Variants in KLHL1 observed in about 807,000 individuals in gnomAD.
KLHL1 encodes the protein kelch like family member 1.
Under a neutral mutation model 77.7 loss-of-function variants are expected in KLHL1, and 47 were observed. That is an observed-to-expected ratio of 0.60 (90% CI 0.48 to 0.77). The LOEUF (loss-of-function observed/expected upper bound fraction) is 0.77. KLHL1 is among the 30% of genes least tolerant of loss of function. KLHL1 has a pLI of 0.00. For synonymous variants in KLHL1, 360 were observed against 325.2 expected, an observed-to-expected ratio of 1.11 and a Z score of -1.15; for missense variants, 925 against 910.8, an observed-to-expected ratio of 1.02 and a Z score of -0.20.
Position 70,047,280 on chromosome 13 carries a change from GA to G in KLHL1, c.497+59922del, listed in dbSNP as rs752563925. Among the ~76,000 whole-genome samples the G allele has an allele frequency of 4.9e-3, 665 of 136,424 alleles. 4 individuals are homozygous for G. The highest frequency in any genetic ancestry group is 0.015 in the African/African-American group (546 of 37,224). The allele number at this position is 136,424 out of a possible 152,430, so 89.5% of individuals were successfully genotyped here. ...AAAAATCACAAGCTTTTGGTTAACT[GA>G]AAAAAAAAAAACCCACAAAGACAAA... On this transcript the variant is annotated intron_variant, in intron 1 of 10. Transcript: ENST00000377844.
At chr13:69,862,916 C>G (rs1047280192) in intron 5 of KLHL1, among the ~76,000 whole-genome samples, 1 of 152,034 alleles carries the variant, frequency 6.6e-6, no homozygotes, top group African/African-American at 2.4e-5. Flanking sequence ...TTTAAGCCAC[C>G]CAGTCTATAA....
Position 69,886,424 on chromosome 13 carries a change from G to T in KLHL1, c.1015-3929C>A, listed in dbSNP as rs114649232. Among the ~76,000 whole-genome samples, 942 of 151,600 alleles carry T rather than the reference G, an allele frequency of 6.2e-3. 12 individuals are homozygous for T. Among genetic ancestry groups the T allele is most frequent in the African/African-American group, 0.021 (884 of 41,424 alleles). On this transcript the variant is annotated intron_variant, in intron 4 of 10. Coordinates refer to ENST00000377844, the MANE Select transcript of KLHL1 (RefSeq NM_020866.3). ...TTATTTCCTGGACTTAATGTGAACAGATTTTCTAATATTCATTTCTTCTGT... is the reference window on the plus strand; with the variant it reads ...TTATTTCCTGGACTTAATGTGAACATATTTTCTAATATTCATTTCTTCTGT...
intron 1 of KLHL1, among the ~76,000 whole-genome samples, chr13:69,994,054 G>A (rs879693469): frequency 2.1e-5 from 3 of 145,422 alleles, no homozygotes; most frequent in Non-Finnish European, 3.1e-5. Context: ...ATGTACAAAG[G>A]ACTAATGATA....
chr13:70,076,182 C>T (rs549619542), intron 1 of KLHL1, among the ~76,000 whole-genome samples: 19 of 151,772 alleles, frequency 1.3e-4, no homozygotes, highest in Admixed American at 2.0e-4. Context: ...TTCAATGCAA[C>T]GGTTAAGAAA....
chr13:69,956,149 T>TG (rs1883880225), intron 3 of KLHL1, among the ~76,000 whole-genome samples: 1 of 140,084 alleles, frequency 7.1e-6, no homozygotes, highest in South Asian at 2.2e-4. Flanking sequence ...TATATATATT[T>TG]ATATATATTT....
chr13:69,950,418 T>C (rs776860465), intron 3 of KLHL1, among the ~76,000 whole-genome samples: 1 of 151,648 alleles, frequency 6.6e-6, no homozygotes, highest in Non-Finnish European at 1.5e-5. Context: ...ACTTTAACAA[T>C]AGAGAACATG....
At chr13:70,097,853 G>T (rs1171812879) in intron 1 of KLHL1, among the ~76,000 whole-genome samples, 2 of 148,576 alleles carry the variant, frequency 1.3e-5, no homozygotes, top group African/African-American at 2.5e-5. Flanking sequence ...CAGAGAATTA[G>T]TTTAAAGAGG....
At chr13:69,997,921 G>C (rs1885198550) in intron 1 of KLHL1, among the ~76,000 whole-genome samples, 1 of 151,702 alleles carries the variant, frequency 6.6e-6, no homozygotes, top group African/African-American at 2.4e-5. Context: ...ACATAGGAGT[G>C]CACGTGTCTC....
At chr13:69,706,179 T>C (rs534282611) in intron 10 of KLHL1, among the ~76,000 whole-genome samples, 1 of 151,800 alleles carries the variant, frequency 6.6e-6, no homozygotes, top group Non-Finnish European at 1.5e-5. Flanking sequence ...CAGTGCTCTC[T>C]GAATAAGAAA....
chr13:69,948,078 C>T (rs1021210186), intron 3 of KLHL1, among the ~76,000 whole-genome samples: 8 of 151,872 alleles, frequency 5.3e-5, no homozygotes, highest in Non-Finnish European at 1.0e-4. Flanking sequence ...CAAAAGACAA[C>T]TTTTAGAGAT....
chr13:69,844,109 T>C (rs1274293024), intron 5 of KLHL1, among the ~76,000 whole-genome samples: 10 of 151,532 alleles, frequency 6.6e-5, no homozygotes, highest in Non-Finnish European at 1.5e-5. Context: ...AAATAAAGTA[T>C]TGAAAGATCA....
chr13:69,948,028 C>CA (rs1367498251), intron 3 of KLHL1, among the ~76,000 whole-genome samples: 2 of 151,850 alleles, frequency 1.3e-5, no homozygotes, highest in Non-Finnish European at 2.9e-5. Flanking sequence ...ACATGATAGC[C>CA]ATATTAAACT....
intron 7 of KLHL1, among the ~76,000 whole-genome samples, chr13:69,782,700 G>A (rs550246699): frequency 1.2e-4 from 19 of 152,346 alleles, no homozygotes; most frequent in African/African-American, 4.6e-4. Flanking sequence ...AGCTCAAGGA[G>A]GCCTGCCTGC....
intron 1 of KLHL1, among the ~76,000 whole-genome samples, chr13:70,032,881 G>T (rs1299169917): frequency 6.6e-6 from 1 of 151,996 alleles, no homozygotes; most frequent in Non-Finnish European, 1.5e-5. Context: ...TTGCAGTTTT[G>T]CCATTTTTTT....
chr13:69,919,016 G>A (rs1882538756), intron 4 of KLHL1, among the ~76,000 whole-genome samples: 2 of 152,116 alleles, frequency 1.3e-5, no homozygotes, highest in Admixed American at 6.6e-5. Flanking sequence ...ATTTTAGAAA[G>A]TGATTTTGTG....
At chr13:69,758,271 A>G (rs144293068) in intron 7 of KLHL1, among the ~76,000 whole-genome samples, 135 of 152,224 alleles carry the variant, frequency 8.9e-4, no homozygotes, top group African/African-American at 2.6e-3. Context: ...TGTATTATCA[A>G]TACAAAAGCT....
At chr13:69,794,511 GAA>G (rs767862897) in intron 7 of KLHL1, among the ~76,000 whole-genome samples, 3 of 144,042 alleles carry the variant, frequency 2.1e-5, no homozygotes, top group Non-Finnish European at 4.6e-5. Flanking sequence ...AGAAACAGTA[GAA>G]AAAAAAAGAG....
intron 1 of KLHL1, among the ~76,000 whole-genome samples, chr13:70,026,916 T>C (rs956529061): frequency 6.6e-6 from 1 of 152,126 alleles, no homozygotes; most frequent in African/African-American, 2.4e-5. Flanking sequence ...GCTATTTTTC[T>C]ATGTTTTATC....
chr13:69,789,017 C>CTCTA (rs10542087), intron 7 of KLHL1, among the ~76,000 whole-genome samples: 2,577 of 150,474 alleles, frequency 0.017, 29 homozygotes, highest in East Asian at 0.033. Context: ...CTCCACAGGA[C>CTCTA]TCTATCTATC....
Sources: gnomAD v4.1 joint callset for allele counts (sites outside exome capture counted in the v4.1 genomes callset) on GRCh38, gnomAD v4.1.1 for gene constraint, MANE v1.5 for transcripts, NCBI Gene and HGNC (gene_info 2026-07-23, HGNC 2026-07-21) for gene names.